PTPRT: variants seen among roughly 807,000 people sequenced by gnomAD.
The protein encoded by PTPRT is protein tyrosine phosphatase receptor type T.
Under a neutral mutation model 176.8 loss-of-function variants are expected in PTPRT, and 56 were observed. The ratio of observed to expected loss-of-function variants is 0.32; its 90% CI spans 0.26 to 0.40. The LOEUF is 0.40. PTPRT is among the 10% of genes least tolerant of loss of function. The pLI, the probability that PTPRT is intolerant of heterozygous loss-of-function variation, is 1.00. For synonymous variants in PTPRT, 783 were observed against 739.0 expected (o/e 1.06, Z -0.96); for missense variants, 1,540 against 1,908.2 (o/e 0.81, Z 3.60).
At chr20:42,472,194 T>C in intron 8 of PTPRT, 72 bp downstream of exon 8, 2 of 1,505,096 alleles carry the variant, frequency 1.3e-6, no homozygotes, top group Non-Finnish European at 1.8e-6. Context: ...AAAAGCCTCA[T>C]AACTGACTGC....
intron 1 of PTPRT, among the ~76,000 whole-genome samples, chr20:42,981,095 C>T (rs1468460515): frequency 6.6e-6 from 1 of 152,172 alleles, no homozygotes; most frequent in African/African-American, 2.4e-5. Context: ...TTCCTCGTCC[C>T]TTTGTTTCAG....
At chr20:42,841,835 GA>G (rs1177619348) in intron 2 of PTPRT, among the ~76,000 whole-genome samples, 1 of 152,104 alleles carries the variant, frequency 6.6e-6, no homozygotes, top group Non-Finnish European at 1.5e-5. Context: ...TCTGGAAAAG[GA>G]AAAAAGCTTC....
intron 9 of PTPRT, among the ~76,000 whole-genome samples, chr20:42,414,222 A>G (rs1244528037): frequency 6.6e-6 from 1 of 152,244 alleles, no homozygotes; most frequent in Non-Finnish European, 1.5e-5. Context: ...GGGTTTTAAG[A>G]AATTCAATCT....
chr20:42,091,254 G>C (rs1984585650), intron 27 of PTPRT, among the ~76,000 whole-genome samples: 1 of 152,200 alleles, frequency 6.6e-6, no homozygotes, highest in Non-Finnish European at 1.5e-5. Flanking sequence ...GCCATGAAAA[G>C]ATGTCCTTGG....
intron 1 of PTPRT, among the ~76,000 whole-genome samples, chr20:43,109,434 C>T (rs1170885965): frequency 6.6e-6 from 1 of 152,116 alleles, no homozygotes; most frequent in Non-Finnish European, 1.5e-5. Context: ...CTGATCTCGA[C>T]TCTGAGCACT....
intron 16 of PTPRT, among the ~76,000 whole-genome samples, chr20:42,178,772 T>G (rs1469640816): frequency 2.0e-5 from 3 of 152,188 alleles, no homozygotes; most frequent in Admixed American, 2.0e-4. Flanking sequence ...ACTGACATGA[T>G]ACTGACAGAT....
intron 9 of PTPRT, among the ~76,000 whole-genome samples, chr20:42,394,560 G>C (rs145667252): frequency 4.6e-4 from 70 of 152,276 alleles, no homozygotes; most frequent in African/African-American, 1.6e-3. Context: ...AGTCAATCAT[G>C]ATGTTTTTAA....
At chr20:42,242,349 T>C (rs1287317361) in intron 14 of PTPRT, among the ~76,000 whole-genome samples, 1 of 152,226 alleles carries the variant, frequency 6.6e-6, no homozygotes, top group Non-Finnish European at 1.5e-5. Flanking sequence ...CAACATGTTT[T>C]TAGGAAATTC....
intron 9 of PTPRT, among the ~76,000 whole-genome samples, chr20:42,393,815 C>T (rs1251797599): frequency 2.0e-5 from 3 of 152,016 alleles, no homozygotes; most frequent in Non-Finnish European, 2.9e-5. Context: ...CATATCGTGG[C>T]GATATTTAGG....
chr20:43,135,995 C>G (rs780779903), intron 1 of PTPRT, among the ~76,000 whole-genome samples: 1 of 152,180 alleles, frequency 6.6e-6, no homozygotes, highest in Non-Finnish European at 1.5e-5. Flanking sequence ...GTGCTTAAAT[C>G]CACAGCAAAG....
chr20:42,346,353 C>T (rs193154831), intron 11 of PTPRT, among the ~76,000 whole-genome samples: 93 of 152,262 alleles, frequency 6.1e-4, no homozygotes, highest in African/African-American at 2.1e-3. Context: ...AAGGTTAGTA[C>T]GGATCAGTCA....
intron 12 of PTPRT, among the ~76,000 whole-genome samples, chr20:42,301,392 C>T (rs1257135701): frequency 2.0e-5 from 3 of 152,010 alleles, no homozygotes; most frequent in African/African-American, 7.2e-5. Context: ...GCATAAAAGT[C>T]AAGGCAAGAC....
At chr20:42,196,552 A>G (rs757096800) in intron 16 of PTPRT, among the ~76,000 whole-genome samples, 1 of 152,184 alleles carries the variant, frequency 6.6e-6, no homozygotes, top group Non-Finnish European at 1.5e-5. Flanking sequence ...AGTACAATAG[A>G]ACATTAGAAC....
intron 2 of PTPRT, 65 bp from the exon 3 acceptor site, chr20:42,791,531 T>C (rs2145552181): frequency 6.7e-7 from 1 of 1,485,974 alleles, no homozygotes; most frequent in South Asian, 1.3e-5. Flanking sequence ...CTTCTGAAAA[T>C]CAGTCACACC....
chr20:42,648,443 C>T (rs1001321261), intron 7 of PTPRT, among the ~76,000 whole-genome samples: 1 of 152,070 alleles, frequency 6.6e-6, no homozygotes, highest in African/African-American at 2.4e-5. Context: ...TGTTGAATCA[C>T]TACACAGATA....
the PTPRT span, among the ~76,000 whole-genome samples, chr20:42,067,666 T>C: frequency 6.6e-6 from 1 of 152,158 alleles, no homozygotes; most frequent in South Asian, 2.1e-4. Flanking sequence ...ATTAATATCT[T>C]GACACATAGG....
intron 19 of PTPRT, among the ~76,000 whole-genome samples, chr20:42,126,025 T>TGGGGGG (rs144977174): frequency 1.7e-3 from 71 of 40,598 alleles, no homozygotes; most frequent in South Asian, 5.8e-3. Flanking sequence ...TGTCTGGGAG[T>TGGGGGG]GGGGGGGGGG....
chr20:42,155,113 C>A (rs1443098352), intron 17 of PTPRT, among the ~76,000 whole-genome samples: 1 of 152,082 alleles, frequency 6.6e-6, no homozygotes, highest in African/African-American at 2.4e-5. Context: ...AAGTATATAT[C>A]CCACCCCCAG....
At chr20:42,113,672 G>C (rs1350813041) in intron 22 of PTPRT, among the ~76,000 whole-genome samples, 1 of 152,176 alleles carries the variant, frequency 6.6e-6, no homozygotes, top group African/African-American at 2.4e-5. Context: ...CTCTGTCCTT[G>C]GTTGGTGTCT....
Sources: allele counts gnomAD v4.1 joint callset (sites outside exome capture counted in the v4.1 genomes callset), GRCh38; gene constraint gnomAD v4.1.1; transcripts MANE v1.5; gene names NCBI Gene and HGNC (gene_info 2026-07-23, HGNC 2026-07-21).